Variants in PTPRD observed in about 807,000 individuals in gnomAD.
PTPRD encodes receptor-type tyrosine-protein phosphatase delta.
Under a neutral mutation model 214.5 loss-of-function variants are expected in PTPRD, and 34 were observed. The observed-to-expected ratio is 0.16, with a 90% confidence interval of 0.12 to 0.21. PTPRD has a LOEUF of 0.21. Among genes scored for constraint, PTPRD ranks in the 10% least tolerant of loss-of-function variants. PTPRD has a pLI of 1.00. For missense variants in PTPRD, 2,545 were observed against 2,398.7 expected, an observed-to-expected ratio of 1.06 and a Z score of -1.27; for synonymous variants, 1,128 against 845.7, an observed-to-expected ratio of 1.33 and a Z score of -5.79.
chr9:9,090,770 C>T (rs1310957930), intron 10 of PTPRD: 1 of 641,326 alleles, frequency 1.6e-6, no homozygotes, highest in African/African-American at 1.8e-5. Context: ...CAAGTTGCAT[C>T]CTCTTTAGCT....
chr9:10,174,578 A>G (rs929187025), intron 3 of PTPRD, among the ~76,000 whole-genome samples: 2 of 151,404 alleles, frequency 1.3e-5, no homozygotes, highest in Non-Finnish European at 1.5e-5. Flanking sequence ...TCATACATCA[A>G]CGAAAGATTT....
intron 41 of PTPRD, 72 bp from the exon 42 acceptor site, chr9:8,340,541 A>G (rs1851488275): frequency 1.4e-6 from 2 of 1,408,050 alleles, no homozygotes. Context: ...CTGGATACAT[A>G]AACATCAACC....
intron 3 of PTPRD, among the ~76,000 whole-genome samples, chr9:10,103,931 T>C (rs969678977): frequency 4.6e-5 from 7 of 151,610 alleles, no homozygotes; most frequent in Non-Finnish European, 1.0e-4. Context: ...GATGAATGGA[T>C]AAACAAAATA....
At chr9:10,196,359 T>G (rs1361038127) in intron 3 of PTPRD, among the ~76,000 whole-genome samples, 1 of 152,096 alleles carries the variant, frequency 6.6e-6, no homozygotes, top group East Asian at 1.9e-4. Flanking sequence ...TGTCAATATA[T>G]GTAAAGTGCT....
chr9:8,770,751 T>G lies in PTPRD; in HGVS notation c.-103-36805A>C, dbSNP rs140630006. Among the ~76,000 whole-genome samples the G allele has an allele frequency of 2.1e-3, 318 of 152,334 alleles. 7 individuals are homozygous for G. In the East Asian group the frequency reaches 0.033, roughly 16 times the overall value. On this transcript the variant is annotated intron_variant, in intron 11 of 45. Transcript: ENST00000381196. ...ATCTGAAGTCTTTTCCAAAAAATGT[T>G]CATATATTAATGGGCAAAAACGTCA...
intron 9 of PTPRD, among the ~76,000 whole-genome samples, chr9:9,252,534 C>A (rs2099975914): frequency 6.6e-6 from 1 of 151,928 alleles, no homozygotes; most frequent in Non-Finnish European, 1.5e-5. Context: ...CCAGGCTGGA[C>A]CTCAGTGACA....
chr9:9,402,910 G>A (rs1377972805), intron 8 of PTPRD, among the ~76,000 whole-genome samples: 1 of 146,474 alleles, frequency 6.8e-6, no homozygotes, highest in African/African-American at 2.6e-5. Context: ...TGTAGTGAGA[G>A]GGCATATGGT....
chr9:8,629,593 A>T (rs987402939), intron 14 of PTPRD, among the ~76,000 whole-genome samples: 2 of 151,860 alleles, frequency 1.3e-5, no homozygotes, highest in African/African-American at 4.8e-5. Flanking sequence ...GTTAAGGCAC[A>T]GTCCTTAGTA....
intron 11 of PTPRD, among the ~76,000 whole-genome samples, chr9:8,969,447 T>G (rs1281889062): frequency 6.6e-6 from 1 of 152,092 alleles, no homozygotes; most frequent in Non-Finnish European, 1.5e-5. Context: ...ATTGTTTGTG[T>G]TATTGAAGAG....
intron 5 of PTPRD, among the ~76,000 whole-genome samples, chr9:9,842,201 T>C (rs2058491779): frequency 6.6e-6 from 1 of 151,950 alleles, no homozygotes; most frequent in African/African-American, 2.4e-5. Context: ...TCAAGTCTGC[T>C]TCTTTGGAAC....
At chr9:8,408,878 G>A (rs2093283323) in intron 35 of PTPRD, among the ~76,000 whole-genome samples, 1 of 97,222 alleles carries the variant, frequency 1.0e-5, no homozygotes, top group Non-Finnish European at 2.0e-5. Context: ...AAATCCTATT[G>A]TGAGTGATTT....
At chr9:10,157,677 C>T (rs1378612251) in intron 3 of PTPRD, among the ~76,000 whole-genome samples, 1 of 152,010 alleles carries the variant, frequency 6.6e-6, no homozygotes, top group Non-Finnish European at 1.5e-5. Context: ...TAAATGTTGG[C>T]CTTTCTAGTT....
At chr9:10,157,066 A>C (rs530699971) in intron 3 of PTPRD, among the ~76,000 whole-genome samples, 2 of 152,160 alleles carry the variant, frequency 1.3e-5, no homozygotes, top group South Asian at 2.1e-4. Context: ...ATACCATTGC[A>C]TCTTGGTTCT....
intron 14 of PTPRD, among the ~76,000 whole-genome samples, chr9:8,562,397 G>A (rs28729291): frequency 0.086 from 13,034 of 151,430 alleles, 1,178 homozygotes; most frequent in African/African-American, 0.22. Flanking sequence ...TCCTGGCTTG[G>A]TTTTTCCTTC....
intron 9 of PTPRD, among the ~76,000 whole-genome samples, chr9:9,328,046 T>C (rs749059016): frequency 6.6e-6 from 1 of 152,156 alleles, no homozygotes; most frequent in Non-Finnish European, 1.5e-5. Context: ...ATAGTTTTTG[T>C]GTTGTCTGTT....
chr9:9,789,899 T>C (rs539559093), intron 5 of PTPRD, among the ~76,000 whole-genome samples: 2 of 151,440 alleles, frequency 1.3e-5, no homozygotes, highest in Admixed American at 1.3e-4. Context: ...CTGAAATCTC[T>C]CATAAATTCT....
intron 12 of PTPRD, among the ~76,000 whole-genome samples, chr9:8,686,146 G>T (rs751831408): frequency 1.3e-5 from 2 of 152,170 alleles, no homozygotes; most frequent in Admixed American, 1.3e-4. Context: ...CGTACAATAT[G>T]ACTCAATTTC....
chr9:8,612,101 T>C (rs2095473876), intron 14 of PTPRD, among the ~76,000 whole-genome samples: 1 of 147,402 alleles, frequency 6.8e-6, no homozygotes, highest in South Asian at 2.1e-4. Flanking sequence ...CAAGACCTTG[T>C]GAAAAGAAAA....
At chr9:9,410,911 G>T (rs979684787) in intron 8 of PTPRD, among the ~76,000 whole-genome samples, 1 of 152,128 alleles carries the variant, frequency 6.6e-6, no homozygotes, top group Non-Finnish European at 1.5e-5. Context: ...GTGATAAACT[G>T]ACTGGGTGAT....
Sources: gnomAD v4.1 joint callset for allele counts (sites outside exome capture counted in the v4.1 genomes callset) on GRCh38, gnomAD v4.1.1 for gene constraint, MANE v1.5 for transcripts, NCBI Gene and HGNC (gene_info 2026-07-23, HGNC 2026-07-21) for gene names.